Variants in SORCS3 observed in about 807,000 individuals in gnomAD.
SORCS3 encodes sortilin related VPS10 domain containing receptor 3, also known as VPS10 domain-containing receptor SorCS3.
SORCS3 carries 57 observed loss-of-function variants against 146.3 expected under a neutral mutation model. The observed-to-expected ratio is 0.39, with a 90% confidence interval of 0.31 to 0.49. The LOEUF is 0.49. Ranked by LOEUF, SORCS3 falls within the 20% of genes least tolerant of loss-of-function variation. SORCS3 has a pLI of 0.92. For missense variants in SORCS3, 1,341 were observed against 1,575.5 expected, an observed-to-expected ratio of 0.85 and a Z score of 2.52; for synonymous variants, 653 against 618.5, an observed-to-expected ratio of 1.06 and a Z score of -0.83.
intron 1 of SORCS3, among the ~76,000 whole-genome samples, chr10:104,717,751 C>T (rs925701009): frequency 4.6e-5 from 7 of 152,144 alleles, no homozygotes; most frequent in Non-Finnish European, 5.9e-5. Flanking sequence ...ATTTAAAAAG[C>T]CTCAGGATAC....
chr10:105,242,578 TTATATATATTTA>T (rs1428303675), intron 20 of SORCS3, among the ~76,000 whole-genome samples: 5 of 83,458 alleles, frequency 6.0e-5, no homozygotes, highest in African/African-American at 2.5e-4. Flanking sequence ...ATTTATATAT[TTATATATATTTA>T]TATATGTTTA....
At chr10:105,061,478 G>C (rs1356962249) in intron 5 of SORCS3, among the ~76,000 whole-genome samples, 1 of 151,714 alleles carries the variant, frequency 6.6e-6, no homozygotes, top group Non-Finnish European at 1.5e-5. Context: ...GTATTTCTTA[G>C]TAGAGACAGG....
Position 104,641,792 on chromosome 10 carries a change from A to C in SORCS3, c.465A>C (p.Arg155Ser). 1 of 1,549,476 alleles carries C rather than the reference A, an allele frequency of 6.5e-7. No individual in the cohort carries two copies. The highest frequency in any genetic ancestry group is 8.7e-7 in the Non-Finnish European group (1 of 1,147,332). Residue 155 changes from arginine (R) to serine (S), a missense_variant, in exon 1 of 27, where the codon AGA becomes AGC. Transcript: ENST00000369701. This position sits in a 1 kb window ranked among gnomAD's most constrained non-coding sequence, Gnocchi z 6.4. ...CCACTGCTCCGGCCGATGGTTCCAG[A>C]GGAAGCCGTCCCCTTGCTAAGGGTT... is the stretch of plus-strand genomic sequence containing the variant. ...AWATAPADGS[R>S]GSRPLAKGSR...
At chr10:105,232,268 C>G (rs1258186924) in intron 20 of SORCS3, among the ~76,000 whole-genome samples, 1 of 151,992 alleles carries the variant, frequency 6.6e-6, no homozygotes, top group East Asian at 1.9e-4. Flanking sequence ...TGAGTTTTAA[C>G]AGATTGTGTC....
At chr10:105,212,139 T>C (rs924219221) in intron 17 of SORCS3, among the ~76,000 whole-genome samples, 3 of 152,180 alleles carry the variant, frequency 2.0e-5, no homozygotes, top group Admixed American at 6.5e-5. Flanking sequence ...TAGATGTAGA[T>C]AGGTTGAGTA....
intron 20 of SORCS3, among the ~76,000 whole-genome samples, chr10:105,226,848 A>G (rs992198383): frequency 2.0e-5 from 3 of 151,726 alleles, no homozygotes; most frequent in Non-Finnish European, 4.4e-5. Flanking sequence ...CTTAGTGTAT[A>G]TAGTTGTTCA....
chr10:105,183,872 G>T (rs193189069), intron 14 of SORCS3, among the ~76,000 whole-genome samples: 1 of 152,310 alleles, frequency 6.6e-6, no homozygotes, highest in African/African-American at 2.4e-5. Context: ...GTGGGCTCAG[G>T]GGGAGGGATG....
At chr10:104,882,393 T>C (rs1411656551) in intron 2 of SORCS3, among the ~76,000 whole-genome samples, 2 of 152,118 alleles carry the variant, frequency 1.3e-5, no homozygotes, top group Admixed American at 1.3e-4. Context: ...CAGAGCTTAG[T>C]GTTTGGAATG....
intron 1 of SORCS3, among the ~76,000 whole-genome samples, chr10:104,757,536 G>A (rs897192820): frequency 7.2e-5 from 11 of 152,204 alleles, no homozygotes; most frequent in African/African-American, 9.6e-5. Flanking sequence ...TGAATTTTGC[G>A]CTTCTGCCAC....
intron 3 of SORCS3, among the ~76,000 whole-genome samples, chr10:104,938,588 C>G (rs2019282485): frequency 6.6e-6 from 1 of 152,160 alleles, no homozygotes; most frequent in Non-Finnish European, 1.5e-5. Flanking sequence ...TACTTGAATT[C>G]TAACCATCTT....
chr10:105,255,050 A>T (rs1296132283), intron 23 of SORCS3, among the ~76,000 whole-genome samples: 1 of 150,722 alleles, frequency 6.6e-6, no homozygotes, highest in Admixed American at 6.6e-5. Flanking sequence ...TAGCCGGGCG[A>T]GGAGGCGTGC....
At chr10:104,951,988 A>G (rs1196766029) in intron 3 of SORCS3, among the ~76,000 whole-genome samples, 2 of 151,828 alleles carry the variant, frequency 1.3e-5, no homozygotes, top group Non-Finnish European at 2.9e-5. Flanking sequence ...GTCTAGTGAT[A>G]TGAAGGGGCT....
chr10:104,752,514 G>A (rs1335152570), intron 1 of SORCS3, among the ~76,000 whole-genome samples: 1 of 152,146 alleles, frequency 6.6e-6, no homozygotes, highest in East Asian at 1.9e-4. Context: ...GCAAATTTAA[G>A]TCACTTCACA....
At chr10:104,969,090 T>G (rs73349998) in intron 3 of SORCS3, among the ~76,000 whole-genome samples, 1 of 152,296 alleles carries the variant, frequency 6.6e-6, no homozygotes, top group African/African-American at 2.4e-5. Flanking sequence ...AATACACGTA[T>G]TTTACCTTGA....
intron 1 of SORCS3, among the ~76,000 whole-genome samples, chr10:104,808,581 A>G (rs2017706444): frequency 6.6e-6 from 1 of 152,342 alleles, no homozygotes; most frequent in African/African-American, 2.4e-5. Context: ...GCCTGGAATC[A>G]AAAAAGAGAA....
At chr10:105,139,319 A>G in intron 7 of SORCS3, 78 bp from the exon 8 acceptor site, 3 of 1,059,648 alleles carry the variant, frequency 2.8e-6, no homozygotes, top group Non-Finnish European at 4.4e-6. Context: ...GTGGTTGTTG[A>G]TAGAAGAGCT....
chr10:104,846,197 A>G (rs1439090831), intron 2 of SORCS3, among the ~76,000 whole-genome samples: 3 of 152,180 alleles, frequency 2.0e-5, no homozygotes, highest in South Asian at 2.1e-4. Flanking sequence ...GACTGCTCCT[A>G]AACTTTCTGG....
At chr10:104,924,086 A>G (rs1238762682) in intron 3 of SORCS3, among the ~76,000 whole-genome samples, 1 of 152,146 alleles carries the variant, frequency 6.6e-6, no homozygotes, top group Non-Finnish European at 1.5e-5. Flanking sequence ...TTTGTTGCTG[A>G]TGGTCATGTG....
intron 1 of SORCS3, among the ~76,000 whole-genome samples, chr10:104,685,134 A>T (rs1047249778): frequency 4.6e-5 from 7 of 152,100 alleles, no homozygotes; most frequent in African/African-American, 1.4e-4. Context: ...TACTCAATAG[A>T]TATTGATGTT....
Sources: allele counts gnomAD v4.1 joint callset (sites outside exome capture counted in the v4.1 genomes callset), GRCh38; gene constraint gnomAD v4.1.1; non-coding constraint Gnocchi (gnomAD v3.1); transcripts MANE v1.5; gene names NCBI Gene and HGNC (gene_info 2026-07-23, HGNC 2026-07-21).